The following KCNQ5 variants were observed in gnomAD, a reference collection of about 807,000 sequenced individuals.
KCNQ5 encodes the protein potassium voltage-gated channel subfamily Q member 5.
A neutral mutation model predicts 98.2 loss-of-function variants in KCNQ5; 30 were observed. That is an observed-to-expected ratio of 0.31 (90% confidence interval 0.23 to 0.41). KCNQ5 has a LOEUF of 0.41. KCNQ5 is among the 10% of genes least tolerant of loss of function. KCNQ5 has a pLI of 1.00. For missense variants in KCNQ5, 835 were observed against 1,182.5 expected, an observed-to-expected ratio of 0.71 and a Z score of 4.31; for synonymous variants, 458 against 449.4, an observed-to-expected ratio of 1.02 and a Z score of -0.24.
intron 2 of KCNQ5, among the ~76,000 whole-genome samples, chr6:73,014,066 T>G (rs1192194048): frequency 6.6e-6 from 1 of 152,112 alleles, no homozygotes; most frequent in Non-Finnish European, 1.5e-5. Context: ...GCTGTTGAAG[T>G]GAGTTCTCCT....
intron 3 of KCNQ5, among the ~76,000 whole-genome samples, chr6:73,050,308 A>AAGGAAGGAAGGG (rs1772172105): frequency 1.7e-5 from 2 of 114,534 alleles, no homozygotes; most frequent in African/African-American, 6.2e-5. Flanking sequence ...GGAAGGAAGG[A>AAGGAAGGAAGGG]AGGGAGGGAA....
intron 1 of KCNQ5, among the ~76,000 whole-genome samples, chr6:72,713,249 G>T (rs531151903): frequency 6.6e-6 from 1 of 152,238 alleles, no homozygotes; most frequent in African/African-American, 2.4e-5. Context: ...AAGCCAAACA[G>T]GCATTTTGAA....
intron 1 of KCNQ5, among the ~76,000 whole-genome samples, chr6:72,716,527 C>T (rs1769653954): frequency 6.6e-6 from 1 of 152,180 alleles, no homozygotes. Context: ...TTCTTCATGG[C>T]CTTTAATTGT....
chr6:73,135,803 T>A lies in KCNQ5; in HGVS notation c.1468+2162T>A, dbSNP rs1033287341. On this transcript the variant is annotated intron_variant, in intron 10 of 13. Coordinates refer to ENST00000370398, the MANE Select transcript of KCNQ5 (RefSeq NM_019842.4). The stretch of plus-strand genomic sequence containing the variant: ...AGAGGCTAGAAGGCCAAGTTTAAGG[T>A]GTCAGCAGGGTTGGTTCCTTCTGAA... 30 of 152,346 alleles carry A rather than the reference T, an allele frequency of 2.0e-4. No individual in the cohort carries two copies. The South Asian group carries it at 2.7e-3, about 14-fold the overall frequency. The allele number at this position is 152,346 out of a possible 1,614,324, so 9.4% of individuals were successfully genotyped here. A position where few individuals can be genotyped will look rare whatever the true frequency, so the allele number is the denominator to read the frequency against.
intron 7 of KCNQ5, among the ~76,000 whole-genome samples, chr6:73,113,287 G>A (rs1417472192): frequency 6.6e-6 from 1 of 152,140 alleles, no homozygotes; most frequent in African/African-American, 2.4e-5. Context: ...TATTGCATGG[G>A]TTCCTTTCAT....
intron 1 of KCNQ5, among the ~76,000 whole-genome samples, chr6:72,831,311 A>G (rs1466603036): frequency 6.6e-6 from 1 of 152,204 alleles, no homozygotes; most frequent in African/African-American, 2.4e-5. Context: ...TCACAATAGC[A>G]AAGACTTGGA....
At chr6:72,927,851 A>G (rs1270964804) in intron 1 of KCNQ5, among the ~76,000 whole-genome samples, 1 of 152,036 alleles carries the variant, frequency 6.6e-6, no homozygotes, top group African/African-American at 2.4e-5. Context: ...TTCGCAAAAG[A>G]TAGATAATTC....
Position 73,133,516 on chromosome 6 carries a change from C to G in KCNQ5, c.1343C>G (p.Pro448Arg). Residue 448 changes from proline to arginine, a missense_variant, in exon 10 of 14, where the codon CCA becomes CGA. Around this residue, in one of 10 missense-constraint regions of KCNQ5, gnomAD observed 146 missense variants for 256.7 expected, o/e 0.57. Transcript: ENST00000370398. ...RQASVGDRRS[P>R]STDITAEGSP... Reference sequence around the variant, plus strand: ...GCCTCAGTAGGTGACAGGAGGTCCCCAAGCACCGACATCACAGCCGAGGGC... The same window carrying G: ...GCCTCAGTAGGTGACAGGAGGTCCCGAAGCACCGACATCACAGCCGAGGGC... 6.2e-7 allele frequency: 1 copy of G among 1,614,170 alleles called. No homozygotes were observed. Among genetic ancestry groups the G allele is most frequent in the Non-Finnish European group, 8.5e-7 (1 of 1,180,026 alleles).
At chr6:73,109,675 T>C (rs1775146482) in intron 6 of KCNQ5, among the ~76,000 whole-genome samples, 1 of 152,196 alleles carries the variant, frequency 6.6e-6, no homozygotes, top group African/African-American at 2.4e-5. Context: ...ATAAACCAGA[T>C]CACAGAGACC....
chr6:73,088,249 G>T (rs1362888476), intron 5 of KCNQ5, among the ~76,000 whole-genome samples: 1 of 151,918 alleles, frequency 6.6e-6, no homozygotes, highest in Non-Finnish European at 1.5e-5. Flanking sequence ...TCAAACTCCT[G>T]GCCTCAGGTG....
intron 11 of KCNQ5, among the ~76,000 whole-genome samples, chr6:73,188,266 C>A (rs1422689292): frequency 6.6e-6 from 1 of 152,142 alleles, no homozygotes; most frequent in Non-Finnish European, 1.5e-5. Flanking sequence ...GTTCTTTGAA[C>A]CTCAGTTTCC....
chr6:73,178,606 T>G (rs1778300078), intron 11 of KCNQ5, among the ~76,000 whole-genome samples: 1 of 151,692 alleles, frequency 6.6e-6, no homozygotes, highest in African/African-American at 2.4e-5. Context: ...AGTGAGAATA[T>G]CAGACAGACT....
intron 1 of KCNQ5, among the ~76,000 whole-genome samples, chr6:72,741,157 G>A (rs1771113634): frequency 1.3e-5 from 2 of 152,336 alleles, no homozygotes; most frequent in African/African-American, 4.8e-5. Flanking sequence ...AATAGGCAAC[G>A]AGTTGAACTT....
intron 1 of KCNQ5, among the ~76,000 whole-genome samples, chr6:72,832,345 C>G (rs1178031029): frequency 6.6e-6 from 1 of 152,090 alleles, no homozygotes; most frequent in Non-Finnish European, 1.5e-5. Context: ...ACTGTCCTCC[C>G]TGTTTTAGCT....
intron 1 of KCNQ5, among the ~76,000 whole-genome samples, chr6:72,994,851 C>T (rs980883183): frequency 2.2e-4 from 34 of 152,040 alleles, no homozygotes; most frequent in African/African-American, 8.0e-4. Flanking sequence ...GAAGAACTTT[C>T]ATTAATAGTT....
rs547312014 is a variant in KCNQ5, at chr6:72,997,462, C to G, written c.399-6446C>G. ...GCAATATTTCATTCTTTAAAAACTGCTCGCTGATGACGATATTTTTAAAAC... is the reference window on the plus strand; with the variant it reads ...GCAATATTTCATTCTTTAAAAACTGGTCGCTGATGACGATATTTTTAAAAC... On this transcript the variant is annotated intron_variant, in intron 1 of 13. Transcript: ENST00000370398. 2.6e-5 allele frequency among the ~76,000 whole-genome samples: 4 copies of G among 152,140 alleles called. No individual in the cohort carries two copies. The East Asian group carries it at 7.7e-4, about 29-fold the overall frequency.
At chr6:73,063,720 ATGAT>A (rs1772916206) in intron 3 of KCNQ5, among the ~76,000 whole-genome samples, 1 of 89,638 alleles carries the variant, frequency 1.1e-5, no homozygotes, top group Non-Finnish European at 2.3e-5. Context: ...AGATAGATAG[ATGAT>A]AGATAGATAG....
chr6:73,070,319 G>A (rs550522942), intron 3 of KCNQ5, among the ~76,000 whole-genome samples: 1 of 152,202 alleles, frequency 6.6e-6, no homozygotes, highest in South Asian at 2.1e-4. Context: ...GAGAATGACA[G>A]AGTTTTTATT....
intron 7 of KCNQ5, among the ~76,000 whole-genome samples, chr6:73,120,136 C>A (rs1775686951): frequency 6.6e-6 from 1 of 151,502 alleles, no homozygotes. Flanking sequence ...GTCCCAGCTA[C>A]TCTAGAGGCT....
Sources: allele counts gnomAD v4.1 joint callset (sites outside exome capture counted in the v4.1 genomes callset), GRCh38; gene constraint gnomAD v4.1.1; regional missense constraint gnomAD v4.1.1; transcripts MANE v1.5; gene names NCBI Gene and HGNC (gene_info 2026-07-23, HGNC 2026-07-21).